Variants in PCSK6 observed in about 807,000 individuals in gnomAD.
PCSK6 encodes the protein paired basic amino acid cleaving enzyme 4.
PCSK6 carries 85 observed loss-of-function variants against 123.3 expected under a neutral mutation model. The ratio of observed to expected loss-of-function variants is 0.69; its 90% CI spans 0.58 to 0.83. The LOEUF (loss-of-function observed/expected upper bound fraction) is 0.83, where lower values mean the gene tolerates loss of function less well. Among genes scored for constraint, PCSK6 ranks in the 40% least tolerant of loss-of-function variants. PCSK6 has a pLI of 0.00. For missense variants in PCSK6, 1,191 were observed against 1,282.3 expected, an observed-to-expected ratio of 0.93 and a Z score of 1.09; for synonymous variants, 508 against 516.0, an observed-to-expected ratio of 0.98 and a Z score of 0.21.
chr15:101,413,246 T>C (rs942195812), intron 6 of PCSK6, among the ~76,000 whole-genome samples: 1 of 152,150 alleles, frequency 6.6e-6, no homozygotes, highest in African/African-American at 2.4e-5. Flanking sequence ...ATATTACAAA[T>C]ATAAATGGGA....
At chr15:101,457,380 TA>T (rs1373295843) in intron 1 of PCSK6, among the ~76,000 whole-genome samples, 1 of 152,124 alleles carries the variant, frequency 6.6e-6, no homozygotes, top group Non-Finnish European at 1.5e-5. Flanking sequence ...CCAAGGTTTC[TA>T]GGGGGATAAA....
At chr15:101,417,450 A>T (rs1337527870) in intron 6 of PCSK6, among the ~76,000 whole-genome samples, 2 of 152,238 alleles carry the variant, frequency 1.3e-5, no homozygotes, top group Non-Finnish European at 2.9e-5. Flanking sequence ...TGTGAACCCA[A>T]TATAAGAAAC....
At chr15:101,440,606 T>C (rs2056730550) in intron 2 of PCSK6, among the ~76,000 whole-genome samples, 1 of 152,234 alleles carries the variant, frequency 6.6e-6, no homozygotes, top group Non-Finnish European at 1.5e-5. Flanking sequence ...ATAACATTCA[T>C]TTCCAGTTTG....
chr15:101,344,008 G>A (rs574918943), intron 13 of PCSK6, among the ~76,000 whole-genome samples: 44 of 152,144 alleles, frequency 2.9e-4, no homozygotes, highest in African/African-American at 1.1e-3. Flanking sequence ...TGTGGGAGGC[G>A]GAGGTTGCAG....
intron 1 of PCSK6, among the ~76,000 whole-genome samples, chr15:101,475,711 G>A (rs1042038095): frequency 1.5e-4 from 22 of 142,582 alleles, no homozygotes; most frequent in African/African-American, 3.4e-4. Flanking sequence ...GGCTGGTCTC[G>A]AACTCCTGGG....
At chr15:101,451,149 C>T (rs190625353) in intron 1 of PCSK6, among the ~76,000 whole-genome samples, 108 of 152,042 alleles carry the variant, frequency 7.1e-4, no homozygotes, top group African/African-American at 2.4e-3. Context: ...GCTGCCAGCT[C>T]GGGTTCACTC....
At chr15:101,348,388 A>G (rs8038528) in intron 13 of PCSK6, among the ~76,000 whole-genome samples, 31,905 of 152,220 alleles carry the variant, frequency 0.21, 3,819 homozygotes, top group African/African-American at 0.32. Context: ...GTAAAACGTC[A>G]TCAAAATACA....
intron 2 of PCSK6, among the ~76,000 whole-genome samples, chr15:101,434,923 G>A (rs1267056041): frequency 6.6e-6 from 1 of 152,130 alleles, no homozygotes; most frequent in Non-Finnish European, 1.5e-5. Context: ...CATTTTCCAG[G>A]TTCACCTTCC....
chr15:101,322,711 CT>C (rs2040156319), intron 17 of PCSK6, 104 bp from the exon 18 acceptor site: 1 of 722,430 alleles, frequency 1.4e-6, no homozygotes. Context: ...TGCGGGTGGG[CT>C]GTTCCCCGAG....
chr15:101,449,438 G>A (rs975515015), intron 1 of PCSK6, among the ~76,000 whole-genome samples: 7 of 152,144 alleles, frequency 4.6e-5, no homozygotes, highest in Non-Finnish European at 8.8e-5. Context: ...GCATATACAC[G>A]TGTATATACA....
chr15:101,320,224 T>G (rs1488143187), intron 18 of PCSK6, among the ~76,000 whole-genome samples: 6 of 152,220 alleles, frequency 3.9e-5, no homozygotes, highest in Non-Finnish European at 8.8e-5. Flanking sequence ...TAGCTGAGAT[T>G]ACAGGCGTGC....
chr15:101,379,776 C>T (rs952108375), intron 11 of PCSK6, among the ~76,000 whole-genome samples: 25 of 152,182 alleles, frequency 1.6e-4, no homozygotes, highest in African/African-American at 5.1e-4. Context: ...CTGGGAACCC[C>T]GATGGGGAAA....
chr15:101,406,347 T>C (rs923600192), intron 6 of PCSK6, among the ~76,000 whole-genome samples: 10 of 152,216 alleles, frequency 6.6e-5, no homozygotes, highest in African/African-American at 2.4e-4. Flanking sequence ...TAATGTATTT[T>C]GCCTTCAGCG....
chr15:101,474,370 T>G (rs540784789), intron 1 of PCSK6, among the ~76,000 whole-genome samples: 1 of 152,232 alleles, frequency 6.6e-6, no homozygotes, highest in Non-Finnish European at 1.5e-5. Context: ...GCCTCTGCTG[T>G]GACCCTCGGA....
chr15:101,431,488 C>A lies in PCSK6; in HGVS notation c.514-25G>T, dbSNP rs748241310. On this transcript the variant is annotated intron_variant, in intron 3 of 21. Coordinates refer to ENST00000611716, the MANE Select transcript of PCSK6 (RefSeq NM_002570.5). Reference sequence around the variant, plus strand: ...GCTGTAAGCACGAAAGACACAAAGTCCCCCCGACATGGACATTCCAGATGC... The same window carrying A: ...GCTGTAAGCACGAAAGACACAAAGTACCCCCGACATGGACATTCCAGATGC... 6.2e-6 allele frequency: 10 copies of A among 1,612,800 alleles called. No individual in the cohort carries two copies. The South Asian group carries it at 1.1e-4, about 18-fold the overall frequency.
chr15:101,379,937 C>G (rs1008124529), intron 11 of PCSK6, among the ~76,000 whole-genome samples: 2 of 152,168 alleles, frequency 1.3e-5, no homozygotes, highest in African/African-American at 4.8e-5. Context: ...TAACACCCCT[C>G]TCTCTGGAGG....
At chr15:101,324,223 T>C (rs2040196263) in intron 17 of PCSK6, among the ~76,000 whole-genome samples, 1 of 152,188 alleles carries the variant, frequency 6.6e-6, no homozygotes, top group Non-Finnish European at 1.5e-5. Flanking sequence ...ACCTGTGAAA[T>C]GCCCGGCAAA....
chr15:101,429,255 A>C (rs1423380727), intron 5 of PCSK6, among the ~76,000 whole-genome samples: 1 of 152,100 alleles, frequency 6.6e-6, no homozygotes, highest in Admixed American at 6.5e-5. Context: ...ACAGCAAATG[A>C]ATTCCCAGGA....
At chr15:101,418,989 C>T (rs1307326910) in intron 6 of PCSK6, among the ~76,000 whole-genome samples, 1 of 152,084 alleles carries the variant, frequency 6.6e-6, no homozygotes, top group Non-Finnish European at 1.5e-5. Context: ...AGGGTAACTA[C>T]AGGGAAGACA....
Sources: gnomAD v4.1 joint callset for allele counts (sites outside exome capture counted in the v4.1 genomes callset) on GRCh38, gnomAD v4.1.1 for gene constraint, MANE v1.5 for transcripts, NCBI Gene and HGNC (gene_info 2026-07-23, HGNC 2026-07-21) for gene names.